The following CACNA2D4 variants were observed in gnomAD, a reference collection of about 807,000 sequenced individuals.
The protein encoded by CACNA2D4 is voltage-dependent calcium channel subunit alpha-2/delta-4.
In CACNA2D4, 157 loss-of-function variants were observed where a neutral mutation model predicts 163.8. The observed-to-expected ratio is 0.96, with a 90% confidence interval of 0.84 to 1.09. The LOEUF (loss-of-function observed/expected upper bound fraction) is 1.09. Ranked by LOEUF, CACNA2D4 falls within the 50% of genes least tolerant of loss-of-function variation. The probability of loss-of-function intolerance (pLI) is 0.00; values close to 1 mark genes in which losing one functional copy is unlikely to be tolerated. For synonymous variants in CACNA2D4, 598 were observed against 586.9 expected (o/e 1.02, Z -0.27); for missense variants, 1,410 against 1,479.9 (o/e 0.95, Z 0.78).
At chr12:1,822,880 T>G (rs1864164034) in intron 26 of CACNA2D4, among the ~76,000 whole-genome samples, 2 of 152,098 alleles carry the variant, frequency 1.3e-5, no homozygotes, top group African/African-American at 4.8e-5. Context: ...CGGGCCGTCT[T>G]TGGCCCGGGG....
chr12:1,884,784 T>G lies in CACNA2D4; in HGVS notation c.1256A>C (p.Asn419Thr). 1 of 1,613,244 alleles carries G rather than the reference T, an allele frequency of 6.2e-7. No homozygotes were observed. Among genetic ancestry groups the G allele is most frequent in the Non-Finnish European group, 8.5e-7 (1 of 1,179,416 alleles). ...EDYEPVFEKY[N>T]WPDCKVRVFT... ...GAGGGTCACCTTACAGTCTGGCCAG[T>G]TATACTTCTCAAACACCGGCTCGTA... is the stretch of plus-strand genomic sequence containing the variant. The change falls in exon 11 of 38, where the codon AAC (asparagine) becomes ACC (threonine). Residue 419 changes from asparagine to threonine, a missense_variant. Asn to Thr is a moderately conservative substitution (Grantham distance 65). Coordinates refer to ENST00000382722, the MANE Select transcript of CACNA2D4 (RefSeq NM_172364.5).
Position 1,831,282 on chromosome 12 carries a change from T to G in CACNA2D4, c.2551+9457A>C, listed in dbSNP as rs138218279. ...CCTGGACAGGGACCTGCTGCGGCAC[T>G]CGCCGCTGCTCCGCCACCTGGACCT... On this transcript the variant is annotated intron_variant, in intron 26 of 37. Transcript: ENST00000382722. 29 of 1,613,594 alleles carry G rather than the reference T, an allele frequency of 1.8e-5. 1 individual carries two copies. The highest frequency in any genetic ancestry group is 1.3e-4 in the African/African-American group (10 of 74,914).
At chr12:1,814,772 C>T (rs1430280125) in intron 26 of CACNA2D4, among the ~76,000 whole-genome samples, 1 of 152,234 alleles carries the variant, frequency 6.6e-6, no homozygotes, top group Non-Finnish European at 1.5e-5. Context: ...CGAACTGGCC[C>T]CCGCCTTGCA....
intron 6 of CACNA2D4, among the ~76,000 whole-genome samples, chr12:1,894,448 C>T (rs1866355737): frequency 6.6e-6 from 1 of 152,154 alleles, no homozygotes; most frequent in African/African-American, 2.4e-5. Flanking sequence ...AAGAAAACTA[C>T]AGGCCAGTAT....
At chr12:1,876,228 T>C (rs1865877302) in intron 16 of CACNA2D4, among the ~76,000 whole-genome samples, 1 of 152,244 alleles carries the variant, frequency 6.6e-6, no homozygotes, top group South Asian at 2.1e-4. Flanking sequence ...TTCCAGACTT[T>C]ATGGCATCTG....
chr12:1,891,786 C>A (rs1397907898), intron 6 of CACNA2D4, among the ~76,000 whole-genome samples: 1 of 151,664 alleles, frequency 6.6e-6, no homozygotes, highest in Non-Finnish European at 1.5e-5. Context: ...AAATGAAATA[C>A]AAAATACATT....
chr12:1,838,861 G>A (rs537103876), intron 26 of CACNA2D4, among the ~76,000 whole-genome samples: 3 of 152,160 alleles, frequency 2.0e-5, no homozygotes, highest in Non-Finnish European at 2.9e-5. Context: ...AGACGATTTC[G>A]GAGTCAAAGT....
chr12:1,896,307 A>G (rs1446799931), intron 6 of CACNA2D4, among the ~76,000 whole-genome samples: 4 of 152,158 alleles, frequency 2.6e-5, no homozygotes, highest in Non-Finnish European at 5.9e-5. Context: ...AGCCTGTTGA[A>G]TGAGAGAATT....
chr12:1,796,754 G>A (rs760882650), intron 35 of CACNA2D4, among the ~76,000 whole-genome samples: 1 of 152,210 alleles, frequency 6.6e-6, no homozygotes, highest in Non-Finnish European at 1.5e-5. Context: ...CGAGCGGCAC[G>A]TCTGGCTGAG....
Position 1,828,684 on chromosome 12 carries a change from T to C in CACNA2D4, c.2551+12055A>G, listed in dbSNP as rs979384387. On this transcript the variant is annotated intron_variant, in intron 26 of 37. Transcript: ENST00000382722. The surrounding 1 kb of genome is among the most constrained non-coding windows in gnomAD (Gnocchi z 4.2). ...GTCAGCTTGGAGATGTCTCTTATGC[T>C]CCTTATGCCTCCGCTTTCCCAACTC... is the stretch of plus-strand genomic sequence containing the variant. 6.6e-6 allele frequency among the ~76,000 whole-genome samples: 1 copy of C among 152,082 alleles called. No homozygotes were observed. Among genetic ancestry groups the C allele is most frequent in the African/African-American group, 2.4e-5 (1 of 41,416 alleles).
Position 1,844,334 on chromosome 12 carries a change from A to G in CACNA2D4, c.2470+68T>C. The G allele has an allele frequency of 6.4e-7, 1 of 1,564,756 alleles. No individual in the cohort carries two copies. Among genetic ancestry groups the G allele is most frequent in the South Asian group, 1.2e-5 (1 of 86,314 alleles). On this transcript the variant is annotated intron_variant, in intron 25 of 37. Coordinates refer to ENST00000382722, the MANE Select transcript of CACNA2D4 (RefSeq NM_172364.5). This position sits in a 1 kb window ranked among gnomAD's most constrained non-coding sequence, Gnocchi z 4.2. The stretch of plus-strand genomic sequence containing the variant: ...CTCGTTCCCATTTCCCACTAAGAGC[A>G]CAGCAGGAGGAGAGATGAGACTGGC...
In CACNA2D4 at chr12:1,793,764, G is replaced by A. The variant is rs373399976; in HGVS notation, c.3310-5C>T. The A allele has an allele frequency of 6.2e-7, 1 of 1,611,746 alleles. No homozygotes were observed. ...GCCGCAGTCCTGGGCATTCTCCTGC[G>A]AACGCAGAGCAGAGGTGACAGCGCG... is the stretch of plus-strand genomic sequence containing the variant. On this transcript the variant is annotated splice_region_variant and splice_polypyrimidine_tract_variant and intron_variant, in intron 37 of 37. Coordinates refer to ENST00000382722, the MANE Select transcript of CACNA2D4 (RefSeq NM_172364.5).
intron 24 of CACNA2D4, among the ~76,000 whole-genome samples, chr12:1,846,276 C>A (rs763115520): frequency 6.6e-6 from 1 of 152,216 alleles, no homozygotes; most frequent in South Asian, 2.1e-4. Flanking sequence ...CAACCCTCAA[C>A]TTCAAAGTCT....
At chr12:1,837,308 CAGG>C (rs1214770708) in intron 26 of CACNA2D4, among the ~76,000 whole-genome samples, 3 of 152,278 alleles carry the variant, frequency 2.0e-5, no homozygotes, top group African/African-American at 7.2e-5. Flanking sequence ...GGCTGCTGGC[CAGG>C]AGGAGGAGCC....
In CACNA2D4 at chr12:1,874,609, T is replaced by A. The variant is rs1555184389; in HGVS notation, c.1873A>T (p.Lys625Ter). ...GGCTGTTTCTAGCTCCTTACCCCTT[T>A]ATCCATCGGAACCTTCACATCCATC... ...LSMDVKVPMD[K>*]GKRVLFLTND... Residue 625 changes from lysine to a stop codon, truncating the protein, a stop_gained, in exon 18 of 38, where the codon AAA becomes TAA. Coordinates refer to ENST00000382722, the MANE Select transcript of CACNA2D4 (RefSeq NM_172364.5). LOFTEE classifies it high-confidence loss of function. This position sits in a 1 kb window ranked among gnomAD's most constrained non-coding sequence, Gnocchi z 4.4. The A allele has an allele frequency of 6.2e-7, 1 of 1,610,360 alleles. No homozygotes were observed. Among genetic ancestry groups the A allele is most frequent in the Non-Finnish European group, 8.5e-7 (1 of 1,176,668 alleles).
At chr12:1,870,278 G>C (rs1865742289) in intron 18 of CACNA2D4, among the ~76,000 whole-genome samples, 1 of 152,040 alleles carries the variant, frequency 6.6e-6, no homozygotes. Flanking sequence ...CATTCCACTG[G>C]GGCACCTCGA....
At chr12:1,800,258 C>A in intron 32 of CACNA2D4, 128 bp downstream of exon 32, 2 of 1,079,260 alleles carry the variant, frequency 1.9e-6, no homozygotes, top group South Asian at 1.4e-5. Flanking sequence ...AGGGATTGTG[C>A]CCTCCTTCCC....
At position 1,856,204 on chromosome 12, in the gene CACNA2D4, G is replaced by T; in HGVS notation, c.2034C>A (p.Asp678Glu). 1.2e-6 allele frequency: 2 copies of T among 1,614,026 alleles called. No homozygotes were observed. The highest frequency in any genetic ancestry group is 1.7e-6 in the Non-Finnish European group (2 of 1,179,892). The stretch of plus-strand genomic sequence containing the variant: ...CTTACCAGTCACCGGCCAGGGCCAG[G>T]TCTGGGTGAAGCAAGTCATGCAGGC... ...EEGLHDLLHP[D>E]LALAGDWIYC... Residue 678 changes from aspartate (D) to glutamate (E), a missense_variant, in exon 21 of 38, where the codon GAC becomes GAA. By Grantham distance (45) the Asp-to-Glu change is conservative. Coordinates refer to ENST00000382722, the MANE Select transcript of CACNA2D4 (RefSeq NM_172364.5).
intron 14 of CACNA2D4, 86 bp downstream of exon 14, chr12:1,879,718 C>G: frequency 8.7e-7 from 1 of 1,152,020 alleles, no homozygotes; most frequent in Non-Finnish European, 1.3e-6. Flanking sequence ...AGAGGCACAG[C>G]CAAGTCAAGA....
Sources: gnomAD v4.1 joint callset for allele counts (sites outside exome capture counted in the v4.1 genomes callset) on GRCh38, gnomAD v4.1.1 for gene constraint, Gnocchi (gnomAD v3.1) non-coding constraint, MANE v1.5 for transcripts, NCBI Gene and HGNC (gene_info 2026-07-23, HGNC 2026-07-21) for gene names.